The following MSRA variants were observed in gnomAD, a reference collection of about 807,000 sequenced individuals.
The protein encoded by MSRA is mitochondrial peptide methionine sulfoxide reductase.
In MSRA, 54 loss-of-function variants were observed where a neutral mutation model predicts 31.3. The observed-to-expected ratio is 1.73, with a 90% CI of 1.39 to 2.17. The LOEUF (loss-of-function observed/expected upper bound fraction) is 2.17, where lower values mean the gene tolerates loss of function less well. MSRA is among the 30% of genes most tolerant of loss of function. MSRA has a pLI of 0.00. For synonymous variants in MSRA, 169 were observed against 116.5 expected, an observed-to-expected ratio of 1.45 and a Z score of -2.90; for missense variants, 507 against 300.9, an observed-to-expected ratio of 1.69 and a Z score of -5.07.
At chr8:10,125,335 A>C (rs1303649389) in intron 1 of MSRA, among the ~76,000 whole-genome samples, 2 of 152,224 alleles carry the variant, frequency 1.3e-5, no homozygotes, top group Non-Finnish European at 2.9e-5. Context: ...GGCACAGATC[A>C]AAATCTTGGT....
intron 1 of MSRA, among the ~76,000 whole-genome samples, chr8:10,129,215 A>C (rs1254396661): frequency 6.6e-6 from 1 of 152,010 alleles, no homozygotes; most frequent in African/African-American, 2.4e-5. Flanking sequence ...TGTCTTGGTC[A>C]CCCCTGGACA....
At chr8:10,247,064 A>G (rs537014139) in intron 3 of MSRA, among the ~76,000 whole-genome samples, 38 of 152,368 alleles carry the variant, frequency 2.5e-4, no homozygotes, top group African/African-American at 8.7e-4. Context: ...ACAATCAGTT[A>G]GAATATTGTG....
At chr8:10,103,866 T>C (rs1375423658) in intron 1 of MSRA, among the ~76,000 whole-genome samples, 2 of 151,922 alleles carry the variant, frequency 1.3e-5, no homozygotes, top group African/African-American at 4.8e-5. Flanking sequence ...AAATTAAGGA[T>C]ATAACTAAAG....
chr8:10,081,061 AGGCAG>A (rs1238925363), intron 1 of MSRA, among the ~76,000 whole-genome samples: 3 of 152,186 alleles, frequency 2.0e-5, no homozygotes, highest in Non-Finnish European at 4.4e-5. Flanking sequence ...ATTAAAATGG[AGGCAG>A]GGCAGGGCAG....
At chr8:10,119,926 G>A (rs1248701524) in intron 1 of MSRA, among the ~76,000 whole-genome samples, 11 of 152,186 alleles carry the variant, frequency 7.2e-5, no homozygotes, top group Non-Finnish European at 1.5e-4. Flanking sequence ...AGAGAGCTTT[G>A]AAGCTTTACC....
intron 5 of MSRA, among the ~76,000 whole-genome samples, chr8:10,420,524 G>T (rs1388666842): frequency 6.6e-6 from 1 of 152,122 alleles, no homozygotes; most frequent in East Asian, 1.9e-4. Flanking sequence ...AGGCTGAATA[G>T]TCTTAGGTGG....
chr8:10,349,173 A>G (rs764860468), intron 5 of MSRA, among the ~76,000 whole-genome samples: 52 of 152,260 alleles, frequency 3.4e-4, no homozygotes, highest in Admixed American at 1.2e-3. Flanking sequence ...GAATACATTT[A>G]TTGTTTAAAT....
intron 1 of MSRA, among the ~76,000 whole-genome samples, chr8:10,098,445 C>T (rs1303142839): frequency 6.6e-6 from 1 of 152,120 alleles, no homozygotes; most frequent in Admixed American, 6.5e-5. Context: ...TAATTACTCG[C>T]TCATTTATTC....
chr8:10,177,628 G>A (rs1806170911), intron 1 of MSRA, among the ~76,000 whole-genome samples: 1 of 152,142 alleles, frequency 6.6e-6, no homozygotes, highest in East Asian at 1.9e-4. Flanking sequence ...TACATGTTTT[G>A]GTGACATGAT....
chr8:10,190,219 T>C (rs989805618), intron 1 of MSRA, among the ~76,000 whole-genome samples: 4 of 152,186 alleles, frequency 2.6e-5, no homozygotes, highest in African/African-American at 7.2e-5. Flanking sequence ...GGACCTTCCG[T>C]TGAGCCTGCC....
intron 3 of MSRA, among the ~76,000 whole-genome samples, chr8:10,278,274 T>C (rs2952258): frequency 0.75 from 114,205 of 152,050 alleles, 42,968 homozygotes; most frequent in Admixed American, 0.82. Context: ...CTGCATAAAT[T>C]CCTTTACAAC....
chr8:10,276,168 G>A (rs2952159), intron 3 of MSRA, among the ~76,000 whole-genome samples: 3 of 152,332 alleles, frequency 2.0e-5, no homozygotes, highest in East Asian at 1.9e-4. Flanking sequence ...TTTCTTTATA[G>A]ACAAGTTACC....
intron 5 of MSRA, among the ~76,000 whole-genome samples, chr8:10,384,198 G>A (rs1045108930): frequency 5.9e-5 from 9 of 152,144 alleles, no homozygotes; most frequent in Non-Finnish European, 8.8e-5. Context: ...TTCCTCCTGC[G>A]CCCTTAGAGA....
At chr8:10,311,762 A>G (rs1012073019) in intron 4 of MSRA, among the ~76,000 whole-genome samples, 8 of 152,122 alleles carry the variant, frequency 5.3e-5, no homozygotes, top group African/African-American at 1.2e-4. Flanking sequence ...AGAAATTTCA[A>G]AAAAACTAGC....
At chr8:10,218,104 G>A (rs1250327633) in intron 2 of MSRA, among the ~76,000 whole-genome samples, 1 of 148,466 alleles carries the variant, frequency 6.7e-6, no homozygotes, top group East Asian at 2.0e-4. Context: ...TTTAACACCC[G>A]GTTCCTTTTC....
chr8:10,055,496 C>G (rs560798974), intron 1 of MSRA, among the ~76,000 whole-genome samples: 1 of 152,220 alleles, frequency 6.6e-6, no homozygotes, highest in African/African-American at 2.4e-5. Flanking sequence ...CCCCACCTGC[C>G]GCAGCAGCAG....
intron 1 of MSRA, among the ~76,000 whole-genome samples, chr8:10,138,787 C>G (rs1217689602): frequency 6.6e-6 from 1 of 152,208 alleles, no homozygotes; most frequent in Non-Finnish European, 1.5e-5. Context: ...CTTAGTACAA[C>G]TGTGCTAGTG....
At chr8:10,339,550 T>C (rs1047126509) in intron 5 of MSRA, among the ~76,000 whole-genome samples, 1 of 88,412 alleles carries the variant, frequency 1.1e-5, no homozygotes, top group Non-Finnish European at 2.4e-5. Context: ...TTTTTTTTTT[T>C]TTTTTTTCTG....
chr8:10,368,158 C>A (rs897303223), intron 5 of MSRA, among the ~76,000 whole-genome samples: 1 of 152,198 alleles, frequency 6.6e-6, no homozygotes, highest in Non-Finnish European at 1.5e-5. Flanking sequence ...GATCGTGGGA[C>A]AAGTGTACCT....
Sources: gnomAD v4.1 joint callset for allele counts (sites outside exome capture counted in the v4.1 genomes callset) on GRCh38, gnomAD v4.1.1 for gene constraint, MANE v1.5 for transcripts, NCBI Gene and HGNC (gene_info 2026-07-23, HGNC 2026-07-21) for gene names.